Variants in HAPLN1 observed in about 807,000 individuals in gnomAD.
The protein encoded by HAPLN1 is hyaluronan and proteoglycan link protein 1, also known as Cartilage link protein.
HAPLN1 carries 13 observed loss-of-function variants against 36.5 expected under a neutral mutation model. That is an observed-to-expected ratio of 0.36 (90% CI 0.23 to 0.57). The LOEUF is 0.57. HAPLN1 is among the 20% of genes least tolerant of loss of function. The pLI, the probability that HAPLN1 is intolerant of heterozygous loss-of-function variation, is 0.83. For synonymous variants in HAPLN1, 202 were observed against 169.8 expected, an observed-to-expected ratio of 1.19 and a Z score of -1.48; for missense variants, 407 against 439.7, an observed-to-expected ratio of 0.93 and a Z score of 0.66.
At chr5:83,697,982 C>CT (rs1490543655) in intron 1 of HAPLN1, among the ~76,000 whole-genome samples, 1 of 151,942 alleles carries the variant, frequency 6.6e-6, no homozygotes, top group African/African-American at 2.4e-5. Context: ...TTTGGGATGT[C>CT]TTTTTATTTT....
At chr5:83,667,881 T>C (rs545772326) in intron 2 of HAPLN1, among the ~76,000 whole-genome samples, 1 of 152,348 alleles carries the variant, frequency 6.6e-6, no homozygotes, top group Admixed American at 6.5e-5. Context: ...CAACTTGTCT[T>C]TGGCGGACTC....
intron 1 of HAPLN1, among the ~76,000 whole-genome samples, chr5:83,697,100 A>G (rs1426580550): frequency 1.3e-5 from 2 of 152,036 alleles, no homozygotes; most frequent in Non-Finnish European, 2.9e-5. Context: ...TTCTGTCTCT[A>G]TGGATGCCAT....
rs72772924 is a variant in HAPLN1, at chr5:83,688,162, A to G, written c.-26-14613T>C. 0.03 allele frequency among the ~76,000 whole-genome samples: 4,529 copies of G among 152,044 alleles called. 285 individuals carry two copies. The East Asian group carries it at 0.3, about 10-fold the overall frequency. ...CTGATCCTCTCCCATTGAAACCATCATTTTCTTTGCCTTTAGTCTTCTGAT... is the reference window on the plus strand; with the variant it reads ...CTGATCCTCTCCCATTGAAACCATCGTTTTCTTTGCCTTTAGTCTTCTGAT... On this transcript the variant is annotated intron_variant, in intron 1 of 4. Coordinates refer to ENST00000274341, the MANE Select transcript of HAPLN1 (RefSeq NM_001884.4).
At chr5:83,668,051 T>C (rs1750603693) in intron 2 of HAPLN1, among the ~76,000 whole-genome samples, 1 of 152,166 alleles carries the variant, frequency 6.6e-6, no homozygotes, top group Non-Finnish European at 1.5e-5. Flanking sequence ...AAAACTTGAT[T>C]AGAAAAAACA....
At chr5:83,720,147 G>T (rs1751989512) in intron 1 of HAPLN1, among the ~76,000 whole-genome samples, 1 of 152,186 alleles carries the variant, frequency 6.6e-6, no homozygotes, top group African/African-American at 2.4e-5. Flanking sequence ...ACTTTTAACA[G>T]TAATCTTAAC....
intron 2 of HAPLN1, among the ~76,000 whole-genome samples, chr5:83,671,123 C>A (rs1750707029): frequency 6.6e-6 from 1 of 152,082 alleles, no homozygotes; most frequent in Non-Finnish European, 1.5e-5. Flanking sequence ...ACACATGGAA[C>A]TCAAAAATGT....
chr5:83,693,430 G>A (rs1169460653), intron 1 of HAPLN1, among the ~76,000 whole-genome samples: 1 of 151,818 alleles, frequency 6.6e-6, no homozygotes, highest in Non-Finnish European at 1.5e-5. Flanking sequence ...GGAAGAGAAT[G>A]AAGAACAGAA....
At chr5:83,673,953 T>A (rs952458566) in intron 1 of HAPLN1, among the ~76,000 whole-genome samples, 5 of 152,220 alleles carry the variant, frequency 3.3e-5, no homozygotes, top group Non-Finnish European at 7.3e-5. Flanking sequence ...TATCACTTGG[T>A]CTAATTAGAA....
chr5:83,705,273 C>T (rs1709841255), intron 1 of HAPLN1, among the ~76,000 whole-genome samples: 1 of 151,472 alleles, frequency 6.6e-6, no homozygotes, highest in Admixed American at 6.6e-5. Context: ...ACCTGTAATC[C>T]CAGCTACTCA....
intron 2 of HAPLN1, among the ~76,000 whole-genome samples, chr5:83,668,449 A>C (rs574078061): frequency 2.0e-5 from 3 of 152,336 alleles, no homozygotes; most frequent in South Asian, 4.1e-4. Context: ...TGACTTCTTC[A>C]TTCGCGAATT....
intron 2 of HAPLN1, among the ~76,000 whole-genome samples, chr5:83,654,920 T>C (rs1750171208): frequency 6.6e-6 from 1 of 152,190 alleles, no homozygotes; most frequent in African/African-American, 2.4e-5. Context: ...CAATATACAA[T>C]TAACCTAATA....
At position 83,651,917 on chromosome 5, in the gene HAPLN1, C is replaced by T. The variant is rs148437205; in HGVS notation, c.472+536G>A. ...GAATTCTCCCACAAAATGCCTCGAC[C>T]GTATGGCTAAGCGACTCTGAACCAT... On this transcript the variant is annotated intron_variant, in intron 3 of 4. Transcript: ENST00000274341. 201 of 152,264 alleles carry T rather than the reference C, an allele frequency of 1.3e-3. 1 individual carries two copies. Among genetic ancestry groups the T allele is most frequent in the Admixed American group, 4.2e-3 (64 of 15,274 alleles). 9.4% of individuals were successfully genotyped at this position (152,264 alleles called of 1,614,324 possible). A position where few individuals can be genotyped will look rare whatever the true frequency, so the allele number is the denominator to read the frequency against.
intron 3 of HAPLN1, among the ~76,000 whole-genome samples, chr5:83,646,871 T>C (rs10474108): frequency 0.52 from 79,504 of 152,056 alleles, 21,609 homozygotes; most frequent in African/African-American, 0.67. Context: ...GGAAAATATT[T>C]GATTTATTCA....
intron 1 of HAPLN1, among the ~76,000 whole-genome samples, chr5:83,710,617 G>A (rs186422491): frequency 9.9e-5 from 15 of 152,180 alleles, no homozygotes; most frequent in African/African-American, 3.4e-4. Flanking sequence ...AAAGGTTTAT[G>A]TTTTTAAGAT....
intron 1 of HAPLN1, among the ~76,000 whole-genome samples, chr5:83,698,177 G>T (rs1006436834): frequency 6.6e-6 from 1 of 152,078 alleles, no homozygotes; most frequent in African/African-American, 2.4e-5. Flanking sequence ...TATTTTGAAA[G>T]AATTTTTGTT....
At chr5:83,684,653 G>T (rs1488331306) in intron 1 of HAPLN1, among the ~76,000 whole-genome samples, 1 of 152,184 alleles carries the variant, frequency 6.6e-6, no homozygotes, top group Non-Finnish European at 1.5e-5. Flanking sequence ...ACTACATGGA[G>T]CTCGTGTAGT....
At chr5:83,659,417 T>A (rs1381611859) in intron 2 of HAPLN1, among the ~76,000 whole-genome samples, 1 of 152,196 alleles carries the variant, frequency 6.6e-6, no homozygotes, top group Non-Finnish European at 1.5e-5. Flanking sequence ...TAGTTTGACA[T>A]AAAGTATATC....
chr5:83,685,001 C>G (rs1300520971), intron 1 of HAPLN1, among the ~76,000 whole-genome samples: 14 of 152,132 alleles, frequency 9.2e-5, no homozygotes, highest in East Asian at 1.9e-4. Flanking sequence ...AATGGGTTAG[C>G]CTTTAGCTAT....
intron 2 of HAPLN1, among the ~76,000 whole-genome samples, chr5:83,669,233 T>C (rs1463514031): frequency 6.6e-6 from 1 of 152,204 alleles, no homozygotes; most frequent in Non-Finnish European, 1.5e-5. Context: ...CTGGGCGTGG[T>C]GGCTCACACC....
Sources: allele counts gnomAD v4.1 joint callset (sites outside exome capture counted in the v4.1 genomes callset), GRCh38; gene constraint gnomAD v4.1.1; transcripts MANE v1.5; gene names NCBI Gene and HGNC (gene_info 2026-07-23, HGNC 2026-07-21).